RNF10: variants seen among roughly 807,000 people sequenced by gnomAD.
RNF10 encodes the protein ring finger protein 10, also known as E3 ubiquitin-protein ligase RNF10.
In RNF10, 38 loss-of-function variants were observed where a neutral mutation model predicts 91.4. The observed-to-expected ratio is 0.42, with a 90% CI of 0.32 to 0.54. The LOEUF is 0.54. RNF10 is among the 20% of genes least tolerant of loss of function. The pLI is 0.16. For missense variants in RNF10, 945 were observed against 1,012.0 expected (o/e 0.93, Z 0.90); for synonymous variants, 364 against 366.3 (o/e 0.99, Z 0.07).
chr12:120,536,456 AAAAC>A (rs1240987276), intron 1 of RNF10, among the ~76,000 whole-genome samples: 16 of 151,434 alleles, frequency 1.1e-4, no homozygotes, highest in African/African-American at 2.9e-4. Context: ...AGGCTGACTT[AAAAC>A]AAACAAAAAA....
At chr12:120,569,212 G>A (rs938761884) in intron 13 of RNF10, among the ~76,000 whole-genome samples, 1 of 152,018 alleles carries the variant, frequency 6.6e-6, no homozygotes, top group Admixed American at 6.6e-5. Context: ...CAGGTGATCC[G>A]CCAGCTGACC....
At chr12:120,573,041 T>A (rs1286381516) in intron 14 of RNF10, among the ~76,000 whole-genome samples, 1 of 152,156 alleles carries the variant, frequency 6.6e-6, no homozygotes, top group Non-Finnish European at 1.5e-5. Flanking sequence ...GTTACTATTT[T>A]GCTGTTATAT....
In RNF10 at chr12:120,575,670, A is replaced by C; in HGVS notation, c.2182A>C (p.Lys728Gln). The stretch of plus-strand genomic sequence containing the variant: ...AAAAGCAAAAGCAGATGTGTGGCCC[A>C]AAACTGCTCCAAAGAAAGGTGAGGA... ...VGKAKADVWPKTAPKKDENSL... is the reference protein window; with the variant it reads ...VGKAKADVWPQTAPKKDENSL... The change falls in exon 15 of 17, where the codon AAA (lysine) becomes CAA (glutamine). Residue 728 changes from lysine (K) to glutamine (Q), a missense_variant. Transcript: ENST00000325954. The C allele has an allele frequency of 6.2e-7, 1 of 1,614,222 alleles. No homozygotes were observed.
intron 14 of RNF10, among the ~76,000 whole-genome samples, chr12:120,572,288 A>G (rs913384126): frequency 6.6e-6 from 1 of 151,940 alleles, no homozygotes; most frequent in South Asian, 2.1e-4. Context: ...GTAGGGTCTC[A>G]ATCTCCTGAC....
chr12:120,547,578 G>A (rs1872513856), intron 2 of RNF10, among the ~76,000 whole-genome samples: 1 of 152,170 alleles, frequency 6.6e-6, no homozygotes, highest in Non-Finnish European at 1.5e-5. Flanking sequence ...ACAGGCATGA[G>A]CCACCACACC....
intron 2 of RNF10, 112 bp from the exon 3 acceptor site, chr12:120,552,386 TA>T: frequency 1.2e-6 from 1 of 834,822 alleles, no homozygotes. Flanking sequence ...GATGACAGAG[TA>T]AGACTCCGTC....
intron 10 of RNF10, 91 bp from the exon 11 acceptor site, chr12:120,564,981 T>C (rs1309965881): frequency 1.2e-6 from 1 of 803,006 alleles, no homozygotes; most frequent in Admixed American, 1.9e-5. Context: ...CTGGCTGTGT[T>C]ATGTATATAT....
At chr12:120,552,809 A>G in intron 3 of RNF10, 111 bp downstream of exon 3, 1 of 923,096 alleles carries the variant, frequency 1.1e-6, no homozygotes. Flanking sequence ...CAGAAAGGGA[A>G]TTGGTCTCGT....
At position 120,571,263 on chromosome 12, in the gene RNF10, A is replaced by G. The variant is rs747772965; in HGVS notation, c.2114A>G (p.Glu705Gly). ...SPSFCVGSLEEDSPFPSFAQM... is the reference protein window; with the variant it reads ...SPSFCVGSLEGDSPFPSFAQM... ...TCATTCTGCGTTGGGAGTCTGGAAGAAGACTCTCCCTTCCCTTCCTTTGCC... is the reference window on the plus strand; with the variant it reads ...TCATTCTGCGTTGGGAGTCTGGAAGGAGACTCTCCCTTCCCTTCCTTTGCC... The change falls in exon 14 of 17, where the codon GAA becomes GGA. Residue 705 changes from glutamate (E) to glycine (G), a missense_variant. Glu to Gly is a moderately conservative substitution (Grantham distance 98, BLOSUM62 -2). Coordinates refer to ENST00000325954, the MANE Select transcript of RNF10 (RefSeq NM_014868.5). 6.2e-7 allele frequency: 1 copy of G among 1,613,798 alleles called. No individual in the cohort carries two copies. Among genetic ancestry groups the G allele is most frequent in the South Asian group, 1.1e-5 (1 of 91,064 alleles).
chr12:120,571,144 C>G (rs746803228), intron 13 of RNF10, 47 bp from the exon 14 acceptor site: 1 of 1,307,508 alleles, frequency 7.6e-7, no homozygotes. Context: ...GTTAAGGACA[C>G]CCCTTGGAAC....
At chr12:120,549,232 A>G (rs997277171) in intron 2 of RNF10, among the ~76,000 whole-genome samples, 8 of 152,260 alleles carry the variant, frequency 5.3e-5, no homozygotes, top group African/African-American at 1.7e-4. Context: ...TCAGTGGAAT[A>G]TCTAAGGTGA....
Position 120,577,264 on chromosome 12 carries a change from A to G in RNF10, c.*598A>G. The G allele has an allele frequency of 2.3e-6, 1 of 432,166 alleles. No individual in the cohort carries two copies. Among genetic ancestry groups the G allele is most frequent in the Non-Finnish European group, 4.6e-6 (1 of 219,096 alleles). 26.8% of individuals were successfully genotyped at this position (432,166 alleles called of 1,614,324 possible). A position where few individuals can be genotyped will look rare whatever the true frequency, so the allele number is the denominator to read the frequency against. Reference sequence around the variant, plus strand: ...TGTCCTTGGCACTTGCATGTGTGAAAGGAGGGTTTTGCCTCTTCTTGAGCA... The same window carrying G: ...TGTCCTTGGCACTTGCATGTGTGAAGGGAGGGTTTTGCCTCTTCTTGAGCA... On this transcript the variant is annotated 3_prime_UTR_variant, in exon 17 of 17. Coordinates refer to ENST00000325954, the MANE Select transcript of RNF10 (RefSeq NM_014868.5).
chr12:120,575,292 G>A (rs1427714805), intron 14 of RNF10: 2 of 278,230 alleles, frequency 7.2e-6, no homozygotes, highest in African/African-American at 4.4e-5. Flanking sequence ...GATGTTTTTA[G>A]GGGTCCCAGG....
At chr12:120,543,016 A>G (rs913014857) in intron 1 of RNF10, among the ~76,000 whole-genome samples, 2 of 84,018 alleles carry the variant, frequency 2.4e-5, no homozygotes, top group Non-Finnish European at 6.7e-5. Context: ...AGAGAATGAC[A>G]TCTCATTTAT....
At chr12:120,545,739 A>G (rs1391374779) in intron 1 of RNF10, among the ~76,000 whole-genome samples, 1 of 151,578 alleles carries the variant, frequency 6.6e-6, no homozygotes, top group East Asian at 2.0e-4. Context: ...GGGTTTCACC[A>G]TGTTGGCCAG....
At chr12:120,558,480 G>A (rs571208759) in intron 6 of RNF10, among the ~76,000 whole-genome samples, 61 of 151,142 alleles carry the variant, frequency 4.0e-4, no homozygotes, top group African/African-American at 1.4e-3. Context: ...GATATGGGTG[G>A]ATTTTTGAAC....
intron 2 of RNF10, among the ~76,000 whole-genome samples, chr12:120,549,225 G>T (rs1872706157): frequency 6.6e-6 from 1 of 152,154 alleles, no homozygotes; most frequent in African/African-American, 2.4e-5. Flanking sequence ...AATTTTCTCA[G>T]TGGAATATCT....
chr12:120,562,188 CTA>C (rs1420393125), intron 7 of RNF10, among the ~76,000 whole-genome samples: 1 of 151,170 alleles, frequency 6.6e-6, no homozygotes, highest in African/African-American at 2.4e-5. Flanking sequence ...GTGTTCCCCT[CTA>C]TGTGTCCATG....
chr12:120,545,148 CA>C (rs1157844887), intron 1 of RNF10, among the ~76,000 whole-genome samples: 3 of 152,150 alleles, frequency 2.0e-5, no homozygotes, highest in Non-Finnish European at 4.4e-5. Flanking sequence ...GAATTGAACA[CA>C]TATTATAATT....
Sources: gnomAD v4.1 joint callset for allele counts (sites outside exome capture counted in the v4.1 genomes callset) on GRCh38, gnomAD v4.1.1 for gene constraint, MANE v1.5 for transcripts, NCBI Gene and HGNC (gene_info 2026-07-23, HGNC 2026-07-21) for gene names.